The following KCNJ15 variants were observed in gnomAD, a reference collection of about 807,000 sequenced individuals.
KCNJ15 encodes the protein ATP-sensitive inward rectifier potassium channel 15.
Under a neutral mutation model 23.0 loss-of-function variants are expected in KCNJ15, and 14 were observed. The observed-to-expected ratio is 0.61, with a 90% confidence interval of 0.40 to 0.95. The LOEUF (loss-of-function observed/expected upper bound fraction) is 0.95. Among genes scored for constraint, KCNJ15 ranks in the 40% least tolerant of loss-of-function variants. The pLI is 0.00. For missense variants in KCNJ15, 388 were observed against 461.8 expected (o/e 0.84, Z 1.46); for synonymous variants, 185 against 183.2 (o/e 1.01, Z -0.08).
chr21:38,263,585 A>G (rs895623994), intron 1 of KCNJ15, among the ~76,000 whole-genome samples: 1 of 151,848 alleles, frequency 6.6e-6, no homozygotes, highest in Non-Finnish European at 1.5e-5. Context: ...ACTGTCCACC[A>G]CCTCCTCCCT....
At chr21:38,263,083 A>G (rs996747646) in intron 1 of KCNJ15, among the ~76,000 whole-genome samples, 1 of 152,194 alleles carries the variant, frequency 6.6e-6, no homozygotes, top group Non-Finnish European at 1.5e-5. Flanking sequence ...CGGAAGACTC[A>G]GGGTCTTGGT....
intron 1 of KCNJ15, among the ~76,000 whole-genome samples, chr21:38,289,922 T>C (rs1984410115): frequency 6.6e-6 from 1 of 152,158 alleles, no homozygotes; most frequent in Non-Finnish European, 1.5e-5. Flanking sequence ...TCTTCGCATG[T>C]TGGAGCAGGG....
chr21:38,264,974 A>C (rs1450497545), intron 1 of KCNJ15, among the ~76,000 whole-genome samples: 2 of 152,234 alleles, frequency 1.3e-5, no homozygotes, highest in Non-Finnish European at 2.9e-5. Context: ...GTGGGCTGGA[A>C]GTCTGATTCT....
At chr21:38,270,989 T>C (rs774280223) in intron 1 of KCNJ15, among the ~76,000 whole-genome samples, 1 of 131,306 alleles carries the variant, frequency 7.6e-6, no homozygotes, top group Non-Finnish European at 1.6e-5. Flanking sequence ...AAGGCATTTC[T>C]GAGTGGCAAC....
intron 1 of KCNJ15, among the ~76,000 whole-genome samples, chr21:38,258,052 C>G (rs1980451388): frequency 6.6e-6 from 1 of 152,040 alleles, no homozygotes; most frequent in Admixed American, 6.5e-5. Flanking sequence ...TTATCTTTTT[C>G]CCCTTTACCT....
At chr21:38,272,722 A>T (rs1281888566) in intron 1 of KCNJ15, among the ~76,000 whole-genome samples, 1 of 152,220 alleles carries the variant, frequency 6.6e-6, no homozygotes, top group African/African-American at 2.4e-5. Context: ...TTTAATTTCA[A>T]GTAGTATAAA....
chr21:38,256,844 G>T, upstream of KCNJ15: 1 of 152,008 alleles, frequency 6.6e-6, no homozygotes, highest in Middle Eastern at 3.4e-3. Flanking sequence ...TCCTTTCTCA[G>T]ATTCCTTCTC....
intron 1 of KCNJ15, chr21:38,238,020 AG>A (rs1359737044): frequency 4.2e-6 from 1 of 235,342 alleles, no homozygotes; most frequent in African/African-American, 2.3e-5. Flanking sequence ...TCTAGGCTGG[AG>A]ACTGTAATTT....
intron 1 of KCNJ15, among the ~76,000 whole-genome samples, chr21:38,288,704 G>C (rs1984248111): frequency 6.6e-6 from 1 of 152,186 alleles, no homozygotes; most frequent in African/African-American, 2.4e-5. Context: ...CTTAGTGAGA[G>C]AGATAGATTT....
chr21:38,270,084 C>T (rs984660432), intron 1 of KCNJ15, among the ~76,000 whole-genome samples: 1 of 152,182 alleles, frequency 6.6e-6, no homozygotes, highest in Non-Finnish European at 1.5e-5. Flanking sequence ...CTATTAGAAT[C>T]TCATTATGTA....
intron 1 of KCNJ15, among the ~76,000 whole-genome samples, chr21:38,280,564 C>T (rs541725550): frequency 1.1e-3 from 166 of 152,206 alleles, no homozygotes; most frequent in South Asian, 2.7e-3. Context: ...TTAGCACTAC[C>T]GAATCTTTGA....
chr21:38,244,210 C>A (rs1979209802), intron 1 of KCNJ15, among the ~76,000 whole-genome samples: 1 of 151,970 alleles, frequency 6.6e-6, no homozygotes, highest in Admixed American at 6.6e-5. Flanking sequence ...AAACTGGTTT[C>A]GAACCCACCA....
chr21:38,234,104 G>T (rs1229842358), intron 1 of KCNJ15, among the ~76,000 whole-genome samples: 1 of 152,006 alleles, frequency 6.6e-6, no homozygotes, highest in Non-Finnish European at 1.5e-5. Context: ...GGCTCTTTTT[G>T]ATAAATATGT....
chr21:38,270,156 C>G (rs1882429030), intron 1 of KCNJ15, among the ~76,000 whole-genome samples: 1 of 152,118 alleles, frequency 6.6e-6, no homozygotes. Context: ...GGCCTTACCT[C>G]TTCTACACTT....
chr21:38,244,496 G>T (rs1296342459), intron 1 of KCNJ15, among the ~76,000 whole-genome samples: 1 of 152,126 alleles, frequency 6.6e-6, no homozygotes, highest in African/African-American at 2.4e-5. Flanking sequence ...ACTAACTTCC[G>T]CATCTCCTGG....
At chr21:38,266,817 C>T (rs1424569968) in intron 1 of KCNJ15, among the ~76,000 whole-genome samples, 1 of 152,196 alleles carries the variant, frequency 6.6e-6, no homozygotes, top group Non-Finnish European at 1.5e-5. Context: ...AAGTAACACG[C>T]TGAGGACACA....
intron 1 of KCNJ15, among the ~76,000 whole-genome samples, chr21:38,244,621 C>T (rs565606319): frequency 6.6e-6 from 1 of 152,246 alleles, no homozygotes; most frequent in African/African-American, 2.4e-5. Context: ...CTCCAGTCTC[C>T]AACTGCCTCC....
At chr21:38,255,001 G>T (rs1177767491), upstream of KCNJ15, among the ~76,000 whole-genome samples, 4 of 152,218 alleles carry the variant, frequency 2.6e-5, no homozygotes, top group African/African-American at 7.2e-5. Flanking sequence ...GAGGGACTAT[G>T]ATGTGCCAGA....
chr21:38,252,655 A>G (rs1370660356), upstream of KCNJ15, among the ~76,000 whole-genome samples: 1 of 152,174 alleles, frequency 6.6e-6, no homozygotes, highest in African/African-American at 2.4e-5. Context: ...TAGTGCTGAA[A>G]TTCACGATTT....
Sources: allele counts gnomAD v4.1 joint callset (sites outside exome capture counted in the v4.1 genomes callset), GRCh38; gene constraint gnomAD v4.1.1; transcripts MANE v1.5; gene names NCBI Gene and HGNC (gene_info 2026-07-23, HGNC 2026-07-21).